Variants in FAM13A observed in about 807,000 individuals in gnomAD.
The protein encoded by FAM13A is protein FAM13A.
A neutral mutation model predicts 129.6 loss-of-function variants in FAM13A; 76 were observed. The observed-to-expected ratio is 0.59, with a 90% confidence interval of 0.49 to 0.71. The LOEUF is 0.71. FAM13A is among the 30% of genes least tolerant of loss of function. FAM13A has a pLI of 0.00. For missense variants in FAM13A, 1,108 were observed against 1,249.3 expected, an observed-to-expected ratio of 0.89 and a Z score of 1.70; for synonymous variants, 443 against 449.9, an observed-to-expected ratio of 0.98 and a Z score of 0.20.
At chr4:89,006,907 G>A (rs894653564) in intron 3 of FAM13A, among the ~76,000 whole-genome samples, 35 of 152,136 alleles carry the variant, frequency 2.3e-4, no homozygotes, top group African/African-American at 7.0e-4. Flanking sequence ...ACACTCAGTC[G>A]CTTCTTCTCC....
At chr4:88,806,021 TTTAG>T (rs528994022) in intron 7 of FAM13A, among the ~76,000 whole-genome samples, 1 of 152,250 alleles carries the variant, frequency 6.6e-6, no homozygotes, top group East Asian at 1.9e-4. Context: ...TTTTCCTTTC[TTTAG>T]TATGTTTTAT....
At chr4:89,009,027 GGTTTATT>G (rs1239131462) in intron 3 of FAM13A, 1 of 151,836 alleles carries the variant, frequency 6.6e-6, no homozygotes, top group East Asian at 1.9e-4. Flanking sequence ...ACTTCCATTA[GGTTTATT>G]AAAGGATCAA....
rs535843234 is a variant in FAM13A, at chr4:88,960,855, G to C, written c.606-22614C>G. On this transcript the variant is annotated intron_variant, in intron 4 of 23. Coordinates refer to ENST00000264344, the MANE Select transcript of FAM13A (RefSeq NM_014883.4). ...AGAAATTGTGCAAACCCTAACAAAA[G>C]CAACAGTTACTAATCAGAAAAACAT... is the stretch of plus-strand genomic sequence containing the variant. Among the ~76,000 whole-genome samples, 5 of 152,198 alleles carry C rather than the reference G, an allele frequency of 3.3e-5. No homozygotes were observed. The East Asian group carries it at 5.8e-4, about 18-fold the overall frequency.
intron 5 of FAM13A, among the ~76,000 whole-genome samples, chr4:88,924,284 T>C (rs1057315935): frequency 2.6e-5 from 4 of 152,086 alleles, no homozygotes; most frequent in East Asian, 3.9e-4. Context: ...GGAGGCATCA[T>C]GCTACCTGAC....
chr4:88,872,894 G>A (rs1741680045), intron 6 of FAM13A, among the ~76,000 whole-genome samples: 2 of 152,146 alleles, frequency 1.3e-5, no homozygotes, highest in South Asian at 2.1e-4. Context: ...TGGAAGTAAA[G>A]CACTCCTCAG....
intron 13 of FAM13A, 61 bp downstream of exon 13, chr4:88,767,492 T>G: frequency 8.3e-7 from 1 of 1,211,432 alleles, no homozygotes. Context: ...ATTTCAGAAG[T>G]ACACTCAAGA....
chr4:88,978,333 G>T (rs1051169553), intron 4 of FAM13A, among the ~76,000 whole-genome samples: 1 of 151,974 alleles, frequency 6.6e-6, no homozygotes, highest in Non-Finnish European at 1.5e-5. Flanking sequence ...TTACCATGAG[G>T]AATAGATAAC....
intron 3 of FAM13A, among the ~76,000 whole-genome samples, chr4:89,013,703 A>G (rs1266036938): frequency 6.6e-6 from 1 of 152,224 alleles, no homozygotes; most frequent in African/African-American, 2.4e-5. Flanking sequence ...AAAGTATAGC[A>G]TACACAATTA....
rs552072029 is a variant in FAM13A at position 88,814,380 on chromosome 4, C to A, written c.1008-9328G>T. On this transcript the variant is annotated intron_variant, in intron 7 of 23. Coordinates refer to ENST00000264344, the MANE Select transcript of FAM13A (RefSeq NM_014883.4). ...AGAAAGATAATGCACAGGAGGAGAACTATGAGAGAGACAGAGAGAGAGAGA... is the reference window on the plus strand; with the variant it reads ...AGAAAGATAATGCACAGGAGGAGAAATATGAGAGAGACAGAGAGAGAGAGA... 3.3e-5 allele frequency among the ~76,000 whole-genome samples: 5 copies of A among 152,046 alleles called. No homozygotes were observed. The East Asian group carries it at 7.7e-4, about 24-fold the overall frequency.
At chr4:88,947,394 G>A (rs1473750690) in intron 4 of FAM13A, among the ~76,000 whole-genome samples, 1 of 152,160 alleles carries the variant, frequency 6.6e-6, no homozygotes, top group African/African-American at 2.4e-5. Context: ...GGGTGACAGA[G>A]AGAAACTGTC....
At chr4:89,028,025 T>G (rs1311160161) in intron 2 of FAM13A, among the ~76,000 whole-genome samples, 1 of 147,640 alleles carries the variant, frequency 6.8e-6, no homozygotes, top group African/African-American at 2.5e-5. Flanking sequence ...GCCAACATGG[T>G]GAAATCCCAT....
chr4:89,012,094 T>C (rs1765810686), intron 3 of FAM13A, among the ~76,000 whole-genome samples: 1 of 152,202 alleles, frequency 6.6e-6, no homozygotes, highest in African/African-American at 2.4e-5. Context: ...TAGAGAAGAA[T>C]TTTCCACAGG....
At chr4:89,035,497 G>A (rs796993449) in intron 1 of FAM13A, among the ~76,000 whole-genome samples, 12 of 149,906 alleles carry the variant, frequency 8.0e-5, no homozygotes, top group African/African-American at 2.9e-4. Flanking sequence ...GGAGGGGAGG[G>A]GAGGGAAGGG....
At chr4:88,882,162 C>T (rs1743695378) in intron 6 of FAM13A, among the ~76,000 whole-genome samples, 1 of 152,200 alleles carries the variant, frequency 6.6e-6, no homozygotes, top group East Asian at 1.9e-4. Flanking sequence ...AAAAGATCAT[C>T]ACCTAGGCAC....
chr4:88,785,609 G>A (rs545027821), intron 10 of FAM13A, among the ~76,000 whole-genome samples: 2 of 152,152 alleles, frequency 1.3e-5, no homozygotes, highest in African/African-American at 4.8e-5. Flanking sequence ...CGGAATGAGA[G>A]CACTGGATCA....
intron 4 of FAM13A, among the ~76,000 whole-genome samples, chr4:88,947,511 G>C (rs1402831790): frequency 6.6e-6 from 1 of 152,112 alleles, no homozygotes; most frequent in African/African-American, 2.4e-5. Flanking sequence ...TCAGGAGAGA[G>C]AGATAGCCTA....
intron 7 of FAM13A, among the ~76,000 whole-genome samples, chr4:88,837,472 T>C (rs111416587): frequency 0.07 from 10,538 of 150,578 alleles, 523 homozygotes; most frequent in African/African-American, 0.14. Context: ...TCCCACCACT[T>C]TGGGAGGCCG....
chr4:89,026,073 G>A (rs1381189826), intron 2 of FAM13A, among the ~76,000 whole-genome samples: 2 of 152,154 alleles, frequency 1.3e-5, no homozygotes. Context: ...CGTTGATTAT[G>A]CCATAACCAG....
At chr4:88,851,678 T>C (rs1737592260) in intron 6 of FAM13A, among the ~76,000 whole-genome samples, 1 of 152,232 alleles carries the variant, frequency 6.6e-6, no homozygotes, top group Non-Finnish European at 1.5e-5. Context: ...GTTTCTATTG[T>C]AGCCCTCTTT....
Sources: allele counts gnomAD v4.1 joint callset (sites outside exome capture counted in the v4.1 genomes callset), GRCh38; gene constraint gnomAD v4.1.1; transcripts MANE v1.5; gene names NCBI Gene and HGNC (gene_info 2026-07-23, HGNC 2026-07-21).